Variants in SLIT3 observed in about 807,000 individuals in gnomAD.
The protein encoded by SLIT3 is slit guidance ligand 3.
In SLIT3, 68 loss-of-function variants were observed where a neutral mutation model predicts 184.0. The ratio of observed to expected loss-of-function variants is 0.37; its 90% CI spans 0.30 to 0.45. The LOEUF (loss-of-function observed/expected upper bound fraction) is 0.45, where lower values mean the gene tolerates loss of function less well. Among genes scored for constraint, SLIT3 ranks in the 20% least tolerant of loss-of-function variants. SLIT3 has a pLI of 1.00. For missense variants in SLIT3, 1,707 were observed against 2,026.0 expected (o/e 0.84, Z 3.02); for synonymous variants, 831 against 828.6 (o/e 1.00, Z -0.05).
intron 4 of SLIT3, among the ~76,000 whole-genome samples, chr5:168,975,679 C>G (rs1489572025): frequency 6.6e-6 from 1 of 152,128 alleles, no homozygotes; most frequent in Admixed American, 6.5e-5. Flanking sequence ...CCACTTTTTT[C>G]TGTAGGATTC....
At chr5:169,230,539 G>A (rs1339462120) in intron 3 of SLIT3, among the ~76,000 whole-genome samples, 1 of 152,188 alleles carries the variant, frequency 6.6e-6, no homozygotes, top group Non-Finnish European at 1.5e-5. Flanking sequence ...CTGGGTTAGA[G>A]CTAAAAACGT....
chr5:168,871,244 C>G (rs191161591), intron 5 of SLIT3, among the ~76,000 whole-genome samples: 11 of 152,176 alleles, frequency 7.2e-5, no homozygotes, highest in Non-Finnish European at 1.5e-4. Context: ...ATTGGATCCC[C>G]TCAAATAATC....
At chr5:168,949,125 C>A (rs1762571516) in intron 4 of SLIT3, among the ~76,000 whole-genome samples, 1 of 152,166 alleles carries the variant, frequency 6.6e-6, no homozygotes. Context: ...GTCAGGTCAG[C>A]TCACCCCTGA....
intron 27 of SLIT3, among the ~76,000 whole-genome samples, chr5:168,696,906 G>T (rs1762081193): frequency 6.6e-6 from 1 of 152,134 alleles, no homozygotes; most frequent in African/African-American, 2.4e-5. Context: ...CAGGGTGAGG[G>T]GGTGGGCAGA....
chr5:169,111,339 T>C (rs148394549), intron 4 of SLIT3, among the ~76,000 whole-genome samples: 242 of 152,340 alleles, frequency 1.6e-3, no homozygotes, highest in African/African-American at 5.6e-3. Context: ...TTTCTGTAAA[T>C]GATAAGCTGT....
At chr5:169,147,247 C>T (rs900003910) in intron 4 of SLIT3, among the ~76,000 whole-genome samples, 11 of 152,196 alleles carry the variant, frequency 7.2e-5, no homozygotes, top group Non-Finnish European at 1.5e-4. Flanking sequence ...CTTTGACAAA[C>T]ACATAAATCC....
rs2288792 is a variant in SLIT3 at position 168,774,346 on chromosome 5, C to G, written c.1184G>C (p.Arg395Pro). Residue 395 changes from arginine (R) to proline (P), a missense_variant, in exon 13 of 36, where the codon CGG becomes CCG. Coordinates refer to ENST00000519560, the MANE Select transcript of SLIT3 (RefSeq NM_003062.4). The stretch of plus-strand genomic sequence containing the variant: ...CTGCAGGTCCTGAAACGTGTTCACC[C>G]GCAGGCAGTTGATCTTGTTGGCATT... ...LLNANKINCL[R>P]VNTFQDLQNL... 20 of 1,613,550 alleles carry G rather than the reference C, an allele frequency of 1.2e-5. No individual in the cohort carries two copies. The highest frequency in any genetic ancestry group is 1.6e-5 in the Non-Finnish European group (19 of 1,179,814).
chr5:168,899,385 A>G (rs1406836686), intron 4 of SLIT3, among the ~76,000 whole-genome samples: 1 of 152,150 alleles, frequency 6.6e-6, no homozygotes, highest in East Asian at 1.9e-4. Flanking sequence ...ATGGTGGTGT[A>G]TGCCTATAGT....
chr5:168,692,342 A>G (rs1239588502), intron 29 of SLIT3, among the ~76,000 whole-genome samples: 1 of 152,150 alleles, frequency 6.6e-6, no homozygotes, highest in Non-Finnish European at 1.5e-5. Flanking sequence ...AGGGAAGAGA[A>G]AGAGTGGATC....
intron 4 of SLIT3, among the ~76,000 whole-genome samples, chr5:168,948,512 G>C (rs1562022245): frequency 1.3e-5 from 2 of 152,164 alleles, no homozygotes; most frequent in South Asian, 2.1e-4. Flanking sequence ...GAGACACTTT[G>C]CAAGTCCTTC....
chr5:168,831,408 T>G (rs975045291), intron 6 of SLIT3, among the ~76,000 whole-genome samples: 2 of 152,120 alleles, frequency 1.3e-5, no homozygotes, highest in African/African-American at 4.8e-5. Flanking sequence ...TATTACTGAG[T>G]TCCTTGATCT....
chr5:168,971,378 C>A (rs772459005), intron 4 of SLIT3, among the ~76,000 whole-genome samples: 2 of 152,184 alleles, frequency 1.3e-5, no homozygotes, highest in Non-Finnish European at 2.9e-5. Flanking sequence ...GCTTCCACTG[C>A]ACCATGCAGG....
chr5:168,760,892 A>G lies in SLIT3; in HGVS notation c.1655T>C (p.Ile552Thr). 1.2e-6 allele frequency: 2 copies of G among 1,613,950 alleles called. No individual in the cohort carries two copies. The highest frequency in any genetic ancestry group is 8.5e-7 in the Non-Finnish European group (1 of 1,179,838). ...NEVSVLEATG[I>T]FKKLPNLRKI... is the part of the protein sequence containing the mutation. ...CCGCAGGTTGGGCAACTTCTTGAAG[A>G]TGCCAGTGGCCTCCAGAACAGATAC... is the stretch of plus-strand genomic sequence containing the variant. The change falls in exon 16 of 36, where the codon ATC becomes ACC. Residue 552 changes from isoleucine to threonine, a missense_variant. By Grantham distance (89) the Ile-to-Thr change is moderately conservative (BLOSUM62 -1). Around this residue, in one of 3 missense-constraint regions of SLIT3, gnomAD observed 1,307 missense variants for 1,511.6 expected, o/e 0.86. Transcript: ENST00000519560.
intron 1 of SLIT3, among the ~76,000 whole-genome samples, chr5:169,256,533 C>G (rs577879000): frequency 1.3e-5 from 2 of 152,318 alleles, no homozygotes; most frequent in South Asian, 4.1e-4. Flanking sequence ...CAGAATGTAT[C>G]CCTGTCGTTA....
At chr5:168,871,168 C>T (rs1021732425) in intron 5 of SLIT3, among the ~76,000 whole-genome samples, 6 of 152,130 alleles carry the variant, frequency 3.9e-5, no homozygotes, top group Admixed American at 3.9e-4. Context: ...CCCTGAATCA[C>T]GTGGTCTTTT....
intron 26 of SLIT3, among the ~76,000 whole-genome samples, chr5:168,703,761 G>A (rs958743065): frequency 3.3e-5 from 5 of 151,986 alleles, no homozygotes; most frequent in South Asian, 2.1e-4. Context: ...AGAACATCCT[G>A]GCCAACATGG....
intron 6 of SLIT3, among the ~76,000 whole-genome samples, chr5:168,834,227 T>A (rs978918072): frequency 6.6e-6 from 1 of 152,182 alleles, no homozygotes; most frequent in African/African-American, 2.4e-5. Flanking sequence ...TCTTACCCAG[T>A]TGACTTTGTG....
chr5:169,017,085 A>C (rs554837039), intron 4 of SLIT3, among the ~76,000 whole-genome samples: 1 of 152,322 alleles, frequency 6.6e-6, no homozygotes, highest in South Asian at 2.1e-4. Flanking sequence ...TAAATCCTCA[A>C]GTAACTCAGC....
At chr5:168,723,026 G>A (rs748186086) in intron 21 of SLIT3, 22 bp from the exon 22 acceptor site, 4 of 1,598,376 alleles carry the variant, frequency 2.5e-6, no homozygotes. Flanking sequence ...AAAACAGAGG[G>A]GTCATGCTTT....
Sources: allele counts gnomAD v4.1 joint callset (sites outside exome capture counted in the v4.1 genomes callset), GRCh38; gene constraint gnomAD v4.1.1; regional missense constraint gnomAD v4.1.1; transcripts MANE v1.5; gene names NCBI Gene and HGNC (gene_info 2026-07-23, HGNC 2026-07-21).